The following MED28 variants were observed in gnomAD, a reference collection of about 807,000 sequenced individuals.
MED28 encodes the protein mediator of RNA polymerase II transcription subunit 28.
Under a neutral mutation model 21.3 loss-of-function variants are expected in MED28, and 26 were observed. The observed-to-expected ratio is 1.22, with a 90% CI of 0.89 to 1.69. MED28 has a LOEUF of 1.69. MED28 is among the 40% of genes most tolerant of loss of function. The pLI, the probability that MED28 is intolerant of heterozygous loss-of-function variation, is 0.00. For missense variants in MED28, 257 were observed against 215.4 expected (o/e 1.19, Z -1.21); for synonymous variants, 110 against 87.6 (o/e 1.26, Z -1.43).
chr4:17,615,019 G>C (rs1156287153), intron 1 of MED28, among the ~76,000 whole-genome samples: 2 of 152,186 alleles, frequency 1.3e-5, no homozygotes, highest in Non-Finnish European at 2.9e-5. Flanking sequence ...CTCGACGTTT[G>C]TGGAAACGTG....
chr4:17,633,557 A>G lies in MED28; in HGVS notation c.*9759A>G. On this transcript the variant is annotated 3_prime_UTR_variant, in exon 4 of 4. Transcript: ENST00000237380. Reference sequence around the variant, plus strand: ...GCTGAAGTTTTCAGGTAAGTGATTCAGTGTCCCTTGTCTAATCATCCATGA... The same window carrying G: ...GCTGAAGTTTTCAGGTAAGTGATTCGGTGTCCCTTGTCTAATCATCCATGA... 1.2e-6 allele frequency: 1 copy of G among 800,708 alleles called. No homozygotes were observed. The highest frequency in any genetic ancestry group is 1.9e-6 in the Non-Finnish European group (1 of 535,852). The allele number at this position is 800,708 out of a possible 1,614,324, so 49.6% of individuals were successfully genotyped here. A position where few individuals can be genotyped will look rare whatever the true frequency, so the allele number is the denominator to read the frequency against.
In MED28 at chr4:17,629,291, G is replaced by A. The variant is rs1714857181; in HGVS notation, c.*5493G>A. 1.3e-5 allele frequency: 2 copies of A among 152,236 alleles called. No individual in the cohort carries two copies. The highest frequency in any genetic ancestry group is 1.3e-4 in the Admixed American group (2 of 15,282). 9.4% of individuals were successfully genotyped at this position (152,236 alleles called of 1,614,324 possible). On this transcript the variant is annotated 3_prime_UTR_variant, in exon 4 of 4. Transcript: ENST00000237380. ...GGAGGTGAGGTGACGGTAGAGATCA[G>A]TGCTACCCTTGGAAATCTGACAGAT...
chr4:17,620,993 C>T (rs1241187794), intron 2 of MED28, among the ~76,000 whole-genome samples: 1 of 151,550 alleles, frequency 6.6e-6, no homozygotes, highest in Non-Finnish European at 1.5e-5. Flanking sequence ...CAGGCGTGAG[C>T]CACCACGCTT....
chr4:17,616,648 G>T (rs1338075076), intron 1 of MED28, among the ~76,000 whole-genome samples: 1 of 152,138 alleles, frequency 6.6e-6, no homozygotes, highest in African/African-American at 2.4e-5. Flanking sequence ...TCAGCTCACT[G>T]CATCACTTCC....
intron 2 of MED28, among the ~76,000 whole-genome samples, chr4:17,621,117 C>T (rs1026365807): frequency 2.7e-5 from 4 of 150,552 alleles, no homozygotes; most frequent in African/African-American, 9.8e-5. Flanking sequence ...CTGGTTCAAG[C>T]GATCCTTCTG....
chr4:17,618,526 GT>G lies in MED28; in HGVS notation c.160-1367del, dbSNP rs1196801468. Among the ~76,000 whole-genome samples the G allele has an allele frequency of 4.0e-5, 6 of 151,200 alleles. 1 individual carries two copies. In the East Asian group the frequency reaches 9.8e-4, roughly 25 times the overall value. On this transcript the variant is annotated intron_variant, in intron 1 of 3. Transcript: ENST00000237380. ...CCAAACCCAACAAGAGTCAACTTTC[GT>G]TTTTTTTGAGACAGATTCTCGCCCT...
chr4:17,620,098 A>T, intron 2 of MED28, 131 bp downstream of exon 2: 1 of 785,602 alleles, frequency 1.3e-6, no homozygotes, highest in South Asian at 1.5e-5. Flanking sequence ...ATGTGTGCAC[A>T]TAATCTCTAT....
Position 17,625,497 on chromosome 4 carries a change from C to T in MED28, c.*1699C>T, listed in dbSNP as rs916311757. 1.4e-5 allele frequency: 4 copies of T among 281,644 alleles called. No individual in the cohort carries two copies. The highest frequency in any genetic ancestry group is 4.5e-5 in the African/African-American group (2 of 44,180). 17.4% of individuals were successfully genotyped at this position (281,644 alleles called of 1,614,324 possible). A position where few individuals can be genotyped will look rare whatever the true frequency, so the allele number is the denominator to read the frequency against. On this transcript the variant is annotated 3_prime_UTR_variant, in exon 4 of 4. Transcript: ENST00000237380. ...CTAAATAAACTGATTAGGTTTTAGG[C>T]GTTCTTTCAAAGAGGTTCTTGAGAA...
Position 17,630,814 on chromosome 4 carries a change from T to C in MED28, c.*7016T>C, listed in dbSNP as rs939019504. 1.3e-5 allele frequency: 2 copies of C among 152,086 alleles called. No individual in the cohort carries two copies. Among genetic ancestry groups the C allele is most frequent in the African/African-American group, 4.8e-5 (2 of 41,408 alleles). The allele number at this position is 152,086 out of a possible 1,614,324, so 9.4% of individuals were successfully genotyped here. On this transcript the variant is annotated 3_prime_UTR_variant, in exon 4 of 4. Transcript: ENST00000237380. The stretch of plus-strand genomic sequence containing the variant: ...TTTAAGATGGTGTGATTGAGGTTAA[T>C]GTGAACTGAACTTTCTATTTCTAAG...
intron 2 of MED28, among the ~76,000 whole-genome samples, chr4:17,621,203 G>A (rs141355112): frequency 0.013 from 1,946 of 152,048 alleles, 18 homozygotes; most frequent in Middle Eastern, 0.024. Flanking sequence ...TAGTAGAGAT[G>A]GGGTTTCACC....
chr4:17,629,830 G>T lies in MED28; in HGVS notation c.*6032G>T, dbSNP rs1387949091. On this transcript the variant is annotated 3_prime_UTR_variant, in exon 4 of 4. Transcript: ENST00000237380. ...TGTCAATAGTGTTAGGGCACAGTAG[G>T]TTCATTTACTGCTGGTAAGGGTGTA... 1 of 152,170 alleles carries T rather than the reference G, an allele frequency of 6.6e-6. No individual in the cohort carries two copies. Among genetic ancestry groups the T allele is most frequent in the East Asian group, 1.9e-4 (1 of 5,194 alleles). The allele number at this position is 152,170 out of a possible 1,614,324, so 9.4% of individuals were successfully genotyped here.
In MED28 at chr4:17,633,232, A is replaced by C. The variant is rs1386343893; in HGVS notation, c.*9434A>C. On this transcript the variant is annotated 3_prime_UTR_variant, in exon 4 of 4. Transcript: ENST00000237380. ...CCACCAAGCCCGGCCCGATTAAGAG[A>C]CTTTAGAATTCCAAGGTGATAGAGT... The C allele has an allele frequency of 6.5e-6, 1 of 154,276 alleles. No homozygotes were observed. Among genetic ancestry groups the C allele is most frequent in the Admixed American group, 6.4e-5 (1 of 15,574 alleles). The allele number at this position is 154,276 out of a possible 1,614,324, so 9.6% of individuals were successfully genotyped here.
At chr4:17,620,174 A>C (rs759647109) in intron 2 of MED28, 83 of 569,308 alleles carry the variant, frequency 1.5e-4, no homozygotes, top group Non-Finnish European at 2.4e-4. Flanking sequence ...TTTATAATGA[A>C]CTTTTCGTAT....
chr4:17,621,641 T>C lies in MED28; in HGVS notation c.281T>C (p.Phe94Ser), dbSNP rs1278580056. ...FLDIARQTEC[F>S]FLQKRLQLSV... is the part of the protein sequence containing the mutation. ...GATATTGCAAGACAGACAGAATGTT[T>C]TTTCTTACAAAAAAGATTGCAGTTA... The change falls in exon 3 of 4, where the codon TTT becomes TCT. Residue 94 changes from phenylalanine (F) to serine (S), a missense_variant. Transcript: ENST00000237380. 6.2e-7 allele frequency: 1 copy of C among 1,611,184 alleles called. No individual in the cohort carries two copies. The highest frequency in any genetic ancestry group is 1.3e-5 in the African/African-American group (1 of 74,878).
intron 1 of MED28, among the ~76,000 whole-genome samples, chr4:17,618,915 G>A (rs528155493): frequency 5.9e-5 from 9 of 152,216 alleles, no homozygotes; most frequent in East Asian, 1.9e-4. Flanking sequence ...AATCAAGCGC[G>A]GGAGCTGCAG....
At chr4:17,617,736 A>G (rs549920027) in intron 1 of MED28, among the ~76,000 whole-genome samples, 1 of 152,170 alleles carries the variant, frequency 6.6e-6, no homozygotes, top group East Asian at 1.9e-4. Context: ...GTGAAACCCC[A>G]TCTCTAACTA....
intron 3 of MED28, 121 bp downstream of exon 3, chr4:17,621,820 T>C (rs1714644952): frequency 1.4e-6 from 1 of 692,680 alleles, no homozygotes; most frequent in Non-Finnish European, 2.5e-6. Flanking sequence ...TATAGGTCAG[T>C]GTGAAATGTG....
chr4:17,623,710 A>G lies in MED28; in HGVS notation c.449A>G (p.His150Arg). The G allele has an allele frequency of 6.2e-7, 1 of 1,614,222 alleles. No homozygotes were observed. The highest frequency in any genetic ancestry group is 8.5e-7 in the Non-Finnish European group (1 of 1,180,044). ...GTGCTGGAGGACATCAACGTGCAGC[A>G]CAAAAAGCCCGCCGACATCCCTCAG... ...QQVLEDINVQ[H>R]KKPADIPQGS... Residue 150 changes from histidine (H) to arginine (R), a missense_variant, in exon 4 of 4, where the codon CAC becomes CGC. By Grantham distance (29) the His-to-Arg change is conservative. Coordinates refer to ENST00000237380, the MANE Select transcript of MED28 (RefSeq NM_025205.5).
In MED28 at chr4:17,618,663, C is replaced by T. The variant is rs529983260; in HGVS notation, c.160-1238C>T. ...TCCCGAGTAGCTGGGACTACAGGCA[C>T]GTGCCACCATGCCCAGCTAATTTTT... is the stretch of plus-strand genomic sequence containing the variant. On this transcript the variant is annotated intron_variant, in intron 1 of 3. Transcript: ENST00000237380. 7.2e-5 allele frequency among the ~76,000 whole-genome samples: 11 copies of T among 152,234 alleles called. No homozygotes were observed. In the South Asian group the frequency reaches 1.4e-3, roughly 20 times the overall value.
Sources: gnomAD v4.1 joint callset for allele counts (sites outside exome capture counted in the v4.1 genomes callset) on GRCh38, gnomAD v4.1.1 for gene constraint, MANE v1.5 for transcripts, NCBI Gene and HGNC (gene_info 2026-07-23, HGNC 2026-07-21) for gene names.